FAM149B1: variants seen among roughly 807,000 people sequenced by gnomAD.
FAM149B1 encodes the protein family with sequence similarity 149 member B1.
Under a neutral mutation model 75.3 loss-of-function variants are expected in FAM149B1, and 56 were observed. That is an observed-to-expected ratio of 0.74 (90% confidence interval 0.60 to 0.93). The LOEUF (loss-of-function observed/expected upper bound fraction) is 0.93. FAM149B1 is among the 40% of genes least tolerant of loss of function. The probability of loss-of-function intolerance (pLI) is 0.00; values close to 1 mark genes in which losing one functional copy is unlikely to be tolerated. For missense variants in FAM149B1, 639 were observed against 708.4 expected, an observed-to-expected ratio of 0.90 and a Z score of 1.11; for synonymous variants, 259 against 256.1, an observed-to-expected ratio of 1.01 and a Z score of -0.11.
At chr10:73,238,571 G>A (rs1053792488) in intron 12 of FAM149B1, among the ~76,000 whole-genome samples, 3 of 152,228 alleles carry the variant, frequency 2.0e-5, no homozygotes, top group African/African-American at 7.2e-5. Flanking sequence ...GCGAAGCTGA[G>A]TAATTGCAAC....
chr10:73,198,798 T>TC (rs1194365162), intron 5 of FAM149B1, among the ~76,000 whole-genome samples: 1 of 152,006 alleles, frequency 6.6e-6, no homozygotes, highest in East Asian at 1.9e-4. Flanking sequence ...AGAGTGAAAC[T>TC]CCATCTCAAA....
At position 73,244,124 on chromosome 10, in the gene FAM149B1, A is replaced by G. The variant is rs1247632326; in HGVS notation, c.*3105A>G. ...GCAAGCAGTAGATCCTCTGATTCCA[A>G]TTACCATTTGTTTTTTACCCAATTC... On this transcript the variant is annotated 3_prime_UTR_variant, in exon 14 of 14. Coordinates refer to ENST00000242505, the MANE Select transcript of FAM149B1 (RefSeq NM_173348.2). The G allele has an allele frequency of 5.3e-6, 3 of 570,878 alleles. No homozygotes were observed. The highest frequency in any genetic ancestry group is 9.3e-6 in the Non-Finnish European group (3 of 322,862). 35.4% of individuals were successfully genotyped at this position (570,878 alleles called of 1,614,324 possible). A position where few individuals can be genotyped will look rare whatever the true frequency, so the allele number is the denominator to read the frequency against.
chr10:73,177,573 C>T (rs61865814), intron 2 of FAM149B1, among the ~76,000 whole-genome samples: 1 of 129,584 alleles, frequency 7.7e-6, no homozygotes, highest in Non-Finnish European at 1.6e-5. Flanking sequence ...GATTCTGTCT[C>T]CAAAAAAAAA....
intron 12 of FAM149B1, among the ~76,000 whole-genome samples, chr10:73,237,702 G>A (rs1292527980): frequency 4.6e-5 from 7 of 152,096 alleles, no homozygotes; most frequent in East Asian, 1.9e-4. Context: ...GATTACAGGC[G>A]TGAGCCACCG....
At chr10:73,190,367 C>T (rs2042652150) in intron 3 of FAM149B1, among the ~76,000 whole-genome samples, 1 of 151,684 alleles carries the variant, frequency 6.6e-6, no homozygotes, top group Non-Finnish European at 1.5e-5. Flanking sequence ...CCACAAGTGC[C>T]ACCATGGTCC....
chr10:73,243,537 A>C lies in FAM149B1; in HGVS notation c.*2518A>C. On this transcript the variant is annotated 3_prime_UTR_variant, in exon 14 of 14. Transcript: ENST00000242505. ...TGTCTGCTCTGTTTGAGAAGTTAAA[A>C]CACAAGCTTTCACAACATTATCCAT... 1 of 1,613,706 alleles carries C rather than the reference A, an allele frequency of 6.2e-7. No homozygotes were observed. The highest frequency in any genetic ancestry group is 8.5e-7 in the Non-Finnish European group (1 of 1,179,902).
chr10:73,199,524 G>C (rs1308313647), intron 5 of FAM149B1, among the ~76,000 whole-genome samples: 7 of 151,864 alleles, frequency 4.6e-5, no homozygotes, highest in Non-Finnish European at 1.5e-5. Flanking sequence ...GCCAATAACT[G>C]TTATTCTTTT....
chr10:73,231,552 G>T (rs1156601706), intron 9 of FAM149B1, among the ~76,000 whole-genome samples: 2 of 152,164 alleles, frequency 1.3e-5, no homozygotes, highest in African/African-American at 2.4e-5. Flanking sequence ...TGAAGGTAAG[G>T]GGTCAATGCA....
chr10:73,223,012 CAG>C (rs1282283911), intron 7 of FAM149B1, among the ~76,000 whole-genome samples: 36 of 152,236 alleles, frequency 2.4e-4, no homozygotes, highest in African/African-American at 7.0e-4. Flanking sequence ...CCTAGCTACT[CAG>C]GGGACTAAAG....
chr10:73,209,968 G>A (rs1319265253), intron 6 of FAM149B1, among the ~76,000 whole-genome samples: 1 of 152,044 alleles, frequency 6.6e-6, no homozygotes, highest in South Asian at 2.1e-4. Context: ...CACAGCCCTA[G>A]GGCCAGCTAA....
intron 7 of FAM149B1, among the ~76,000 whole-genome samples, chr10:73,224,543 C>T (rs2043492303): frequency 6.8e-6 from 1 of 146,514 alleles, no homozygotes; most frequent in African/African-American, 2.6e-5. Context: ...GTGATCTCGG[C>T]TCACTGCAAG....
At chr10:73,216,067 G>A (rs2043291156) in intron 7 of FAM149B1, among the ~76,000 whole-genome samples, 1 of 152,158 alleles carries the variant, frequency 6.6e-6, no homozygotes, top group Non-Finnish European at 1.5e-5. Context: ...TTTGTTTTGT[G>A]AATTGAGGTG....
At chr10:73,169,948 A>T (rs2133288253) in intron 1 of FAM149B1, among the ~76,000 whole-genome samples, 1 of 152,004 alleles carries the variant, frequency 6.6e-6, no homozygotes, top group African/African-American at 2.4e-5. Flanking sequence ...AGCAACCATA[A>T]ATTTATTAAT....
chr10:73,168,209 C>T lies in FAM149B1; in HGVS notation c.-131C>T, dbSNP rs1308120570. ...GCTGCTCGGAGTCTAGGTGACGGGG[C>T]GAGACGGGGCCGGTAGGTGGCGGGA... On this transcript the variant is annotated 5_prime_UTR_variant, in exon 1 of 14. Coordinates refer to ENST00000242505, the MANE Select transcript of FAM149B1 (RefSeq NM_173348.2). 3.2e-6 allele frequency: 3 copies of T among 944,492 alleles called. No individual in the cohort carries two copies. Among genetic ancestry groups the T allele is most frequent in the Non-Finnish European group, 4.7e-6 (3 of 645,148 alleles). 58.5% of individuals were successfully genotyped at this position (944,492 alleles called of 1,614,324 possible).
At chr10:73,188,805 G>GGAAGGAAGGAAA (rs2042606119) in intron 3 of FAM149B1, among the ~76,000 whole-genome samples, 1 of 138,870 alleles carries the variant, frequency 7.2e-6, no homozygotes, top group Non-Finnish European at 1.6e-5. Flanking sequence ...AAGGAAGGAA[G>GGAAGGAAGGAAA]GAAGGAAAGG....
intron 12 of FAM149B1, 94 bp from the exon 13 acceptor site, chr10:73,239,218 A>T: frequency 9.6e-7 from 1 of 1,044,926 alleles, no homozygotes; most frequent in Non-Finnish European, 1.4e-6. Flanking sequence ...GCCTTTTACC[A>T]CTGTTGATTT....
At chr10:73,213,337 C>A (rs2043231108) in intron 7 of FAM149B1, among the ~76,000 whole-genome samples, 1 of 152,032 alleles carries the variant, frequency 6.6e-6, no homozygotes, top group Admixed American at 6.6e-5. Flanking sequence ...TTAATTGAAT[C>A]CCATTTGTCT....
chr10:73,222,279 A>G (rs1006050475), intron 7 of FAM149B1, among the ~76,000 whole-genome samples: 1 of 152,184 alleles, frequency 6.6e-6, no homozygotes, highest in Non-Finnish European at 1.5e-5. Context: ...AGCAATGTTC[A>G]GTCTAGAGCT....
rs749944590 is a variant in FAM149B1 at position 73,239,334 on chromosome 10, C to T, written c.1625C>T (p.Ser542Leu). Reference sequence around the variant, plus strand: ...TAGCTGGATACACAGTATCGTCGCTCATGTGCAGTTGAGTATCCTCATCAG... The same window carrying T: ...TAGCTGGATACACAGTATCGTCGCTTATGTGCAGTTGAGTATCCTCATCAG... ...SFLLDTQYRR[S>L]CAVEYPHQAR... Residue 542 changes from serine to leucine, a missense_variant, in exon 13 of 14, where the codon TCA (serine) becomes TTA (leucine). By Grantham distance (145) the Ser-to-Leu change is moderately radical. Coordinates refer to ENST00000242505, the MANE Select transcript of FAM149B1 (RefSeq NM_173348.2). The T allele has an allele frequency of 1.9e-6, 3 of 1,551,686 alleles. No individual in the cohort carries two copies. The South Asian group carries it at 3.6e-5, about 18-fold the overall frequency.
Sources: gnomAD v4.1 joint callset for allele counts (sites outside exome capture counted in the v4.1 genomes callset) on GRCh38, gnomAD v4.1.1 for gene constraint, MANE v1.5 for transcripts, NCBI Gene and HGNC (gene_info 2026-07-23, HGNC 2026-07-21) for gene names.